Variants in MSRA observed in about 807,000 individuals in gnomAD.
The protein encoded by MSRA is methionine sulfoxide reductase A.
In MSRA, 54 loss-of-function variants were observed where a neutral mutation model predicts 31.3. That is an observed-to-expected ratio of 1.73 (90% CI 1.39 to 2.17). MSRA has a LOEUF of 2.17. Among genes scored for constraint, MSRA ranks in the 30% most tolerant of loss-of-function variants. The pLI, the probability that MSRA is intolerant of heterozygous loss-of-function variation, is 0.00. For synonymous variants in MSRA, 169 were observed against 116.5 expected, an observed-to-expected ratio of 1.45 and a Z score of -2.90; for missense variants, 507 against 300.9, an observed-to-expected ratio of 1.69 and a Z score of -5.07.
chr8:10,337,135 G>A (rs55878365), intron 5 of MSRA: 35,167 of 152,194 alleles, frequency 0.23, 5,003 homozygotes, highest in East Asian at 0.49. Context: ...ACAGTCAAAT[G>A]GGATCACTGC....
At chr8:10,133,667 C>T (rs923216867) in intron 1 of MSRA, among the ~76,000 whole-genome samples, 4 of 152,102 alleles carry the variant, frequency 2.6e-5, no homozygotes, top group Non-Finnish European at 5.9e-5. Context: ...GCTTAAAGGA[C>T]GAGACAGATG....
intron 3 of MSRA, among the ~76,000 whole-genome samples, chr8:10,267,050 A>G (rs1798783447): frequency 1.3e-5 from 2 of 152,258 alleles, no homozygotes; most frequent in Non-Finnish European, 2.9e-5. Flanking sequence ...ACGAACATGG[A>G]TGGAGCAAGA....
chr8:10,081,570 A>C (rs1277892124), intron 1 of MSRA, among the ~76,000 whole-genome samples: 1 of 151,978 alleles, frequency 6.6e-6, no homozygotes, highest in African/African-American at 2.4e-5. Context: ...GTTCACTGCA[A>C]CCTCCGCCTC....
At chr8:10,392,881 C>T (rs552725649) in intron 5 of MSRA, among the ~76,000 whole-genome samples, 2 of 31,400 alleles carry the variant, frequency 6.4e-5, no homozygotes, top group East Asian at 1.2e-3. Flanking sequence ...CCCGTCTCTA[C>T]TAAAAATGCA....
At chr8:10,108,615 C>G (rs1287127257) in intron 1 of MSRA, among the ~76,000 whole-genome samples, 21 of 152,172 alleles carry the variant, frequency 1.4e-4, no homozygotes, top group Admixed American at 9.8e-4. Context: ...TTTATAAACA[C>G]CCCGAGGAAG....
At chr8:10,272,767 C>G (rs955902787) in intron 3 of MSRA, among the ~76,000 whole-genome samples, 4 of 152,114 alleles carry the variant, frequency 2.6e-5, no homozygotes, top group African/African-American at 7.2e-5. Context: ...CTACGCTGTA[C>G]ATTTCTTGAG....
At position 10,320,534 on chromosome 8, in the gene MSRA, C is replaced by G. The variant is rs369187312; in HGVS notation, c.543+545C>G. 9.2e-4 allele frequency among the ~76,000 whole-genome samples: 140 copies of G among 152,346 alleles called. 1 individual carries two copies. Among genetic ancestry groups the G allele is most frequent in the African/African-American group, 3.1e-3 (127 of 41,574 alleles). On this transcript the variant is annotated intron_variant, in intron 5 of 5. Transcript: ENST00000317173. ...TGAATCACTCATCTAGATGAAGACA[C>G]AGCCTGTTAAAATAAGTCTTTTTCC...
At chr8:10,334,358 G>C (rs1161282768) in intron 5 of MSRA, among the ~76,000 whole-genome samples, 1 of 152,174 alleles carries the variant, frequency 6.6e-6, no homozygotes, top group East Asian at 1.9e-4. Flanking sequence ...TGTTCTGGCA[G>C]GTAGATGGAT....
chr8:10,218,125 TTTA>T (rs1810163157), intron 2 of MSRA, among the ~76,000 whole-genome samples: 2 of 128,376 alleles, frequency 1.6e-5, no homozygotes, highest in Admixed American at 7.2e-5. Context: ...TATTTATTTA[TTTA>T]TTTATTTATT....
chr8:10,161,698 G>C (rs1464388632), intron 1 of MSRA, among the ~76,000 whole-genome samples: 1 of 152,068 alleles, frequency 6.6e-6, no homozygotes, highest in South Asian at 2.1e-4. Flanking sequence ...TTCTGCATCT[G>C]GGGTCAGAGC....
chr8:10,270,213 A>G (rs1415732732), intron 3 of MSRA, among the ~76,000 whole-genome samples: 1 of 152,174 alleles, frequency 6.6e-6, no homozygotes, highest in African/African-American at 2.4e-5. Context: ...TGAAAGTTTT[A>G]CTTATATACC....
At chr8:10,260,548 C>T (rs1465799881) in intron 3 of MSRA, among the ~76,000 whole-genome samples, 1 of 152,182 alleles carries the variant, frequency 6.6e-6, no homozygotes, top group African/African-American at 2.4e-5. Flanking sequence ...ATGGACAAGT[C>T]ATTGCATAAA....
At chr8:10,103,394 T>A (rs1799662604) in intron 1 of MSRA, among the ~76,000 whole-genome samples, 1 of 152,236 alleles carries the variant, frequency 6.6e-6, no homozygotes, top group Admixed American at 6.5e-5. Context: ...ACGGGTCATC[T>A]GTGCTGTAGC....
At chr8:10,178,603 C>T (rs982337239) in intron 1 of MSRA, among the ~76,000 whole-genome samples, 4 of 152,114 alleles carry the variant, frequency 2.6e-5, no homozygotes, top group Non-Finnish European at 5.9e-5. Flanking sequence ...AATGAAAATT[C>T]ACCTTAGTGA....
chr8:10,352,583 G>A (rs1162629653), intron 5 of MSRA, among the ~76,000 whole-genome samples: 2 of 152,182 alleles, frequency 1.3e-5, no homozygotes, highest in Admixed American at 6.5e-5. Flanking sequence ...GTTAGTCTCT[G>A]TTCTTTTAAC....
intron 1 of MSRA, among the ~76,000 whole-genome samples, chr8:10,055,207 C>T (rs1802277867): frequency 6.6e-6 from 1 of 152,170 alleles, no homozygotes; most frequent in African/African-American, 2.4e-5. Context: ...CCTAGGTCGG[C>T]CCCGCTGTCC....
At chr8:10,094,695 T>C (rs1194682419) in intron 1 of MSRA, among the ~76,000 whole-genome samples, 1 of 152,228 alleles carries the variant, frequency 6.6e-6, no homozygotes, top group African/African-American at 2.4e-5. Flanking sequence ...GTAAAAATGA[T>C]TTCTTAAACC....
intron 1 of MSRA, among the ~76,000 whole-genome samples, chr8:10,190,056 T>C (rs1000163681): frequency 1.3e-5 from 2 of 152,194 alleles, no homozygotes; most frequent in African/African-American, 4.8e-5. Context: ...CAAATACATC[T>C]TTCTGTGTAA....
intron 2 of MSRA, among the ~76,000 whole-genome samples, chr8:10,238,873 CATAAATG>C (rs1812169075): frequency 6.6e-6 from 1 of 151,806 alleles, no homozygotes; most frequent in Non-Finnish European, 1.5e-5. Flanking sequence ...GTACAGAAAA[CATAAATG>C]ATAAAGGAAA....
Sources: gnomAD v4.1 joint callset for allele counts (sites outside exome capture counted in the v4.1 genomes callset) on GRCh38, gnomAD v4.1.1 for gene constraint, MANE v1.5 for transcripts, NCBI Gene and HGNC (gene_info 2026-07-23, HGNC 2026-07-21) for gene names.